The following MGST1 variants were observed in gnomAD, a reference collection of about 807,000 sequenced individuals.
The protein encoded by MGST1 is glutathione S-transferase 12.
In MGST1, 5 loss-of-function variants were observed where a neutral mutation model predicts 8.9. That is an observed-to-expected ratio of 0.56 (90% CI 0.29 to 1.19). The LOEUF (loss-of-function observed/expected upper bound fraction) is 1.19. Ranked by LOEUF, MGST1 falls within the 50% of genes most tolerant of loss-of-function variation. MGST1 has a pLI of 0.08. For missense variants in MGST1, 182 were observed against 187.4 expected (o/e 0.97, Z 0.17); for synonymous variants, 54 against 67.8 (o/e 0.80, Z 1.00).
In MGST1 at chr12:16,432,679, GACACACACACACACACACACACACACAC is replaced by G. The variant is rs36054419; in HGVS notation, n.779-4683_779-4656del. Among the ~76,000 whole-genome samples the G allele has an allele frequency of 1.2e-3, 147 of 124,392 alleles. 1 individual carries two copies. Among genetic ancestry groups the G allele is most frequent in the Non-Finnish European group, 1.8e-3 (106 of 58,338 alleles). 81.6% of individuals were successfully genotyped at this position (124,392 alleles called of 152,430 possible). On this transcript the variant is annotated intron_variant and non_coding_transcript_variant, in intron 1 of 1. Coordinates refer to the MGST1 transcript ENST00000359720. ...TCGCAAATCTCTCCTCTCTCTCTCT[GACACACACACACACACACACACACACAC>G]ACACACACACACACACACACACACA...
chr12:16,488,055 AAGTTATTT>A (rs1327369350), intron 4 of MGST1, among the ~76,000 whole-genome samples: 3 of 152,218 alleles, frequency 2.0e-5, no homozygotes, highest in Non-Finnish European at 4.4e-5. Flanking sequence ...AGGATTGATC[AAGTTATTT>A]AGAGATATTG....
intron 4 of MGST1, among the ~76,000 whole-genome samples, chr12:16,552,661 C>CT (rs1942033045): frequency 6.6e-6 from 1 of 152,000 alleles, no homozygotes; most frequent in South Asian, 2.1e-4. Context: ...GTGGAATTTA[C>CT]TTTTTTTCCC....
In MGST1 at chr12:16,361,415, A is replaced by T. The variant is rs1939991196; in HGVS notation, c.222-2380A>T. On this transcript the variant is annotated intron_variant, in intron 3 of 3. Transcript: ENST00000396210. This position sits in a 1 kb window ranked among gnomAD's most constrained non-coding sequence, Gnocchi z 4.2. The stretch of plus-strand genomic sequence containing the variant: ...TCACAGAGCAAATATATGCCAGGGC[A>T]TGTGTGTCCAAAGGAGAAAGAAGAA... Among the ~76,000 whole-genome samples, 1 of 152,222 alleles carries T rather than the reference A, an allele frequency of 6.6e-6. No individual in the cohort carries two copies. Among genetic ancestry groups the T allele is most frequent in the African/African-American group, 2.4e-5 (1 of 41,458 alleles).
In MGST1 at chr12:16,399,691, C is replaced by T. The variant is rs561124319; in HGVS notation, n.778+16087C>T. 142 of 1,361,382 alleles carry T rather than the reference C, an allele frequency of 1.0e-4. No homozygotes were observed. In the South Asian group the frequency reaches 1.1e-3, roughly 11 times the overall value. The allele number at this position is 1,361,382 out of a possible 1,614,324, so 84.3% of individuals were successfully genotyped here. A position where few individuals can be genotyped will look rare whatever the true frequency, so the allele number is the denominator to read the frequency against. On this transcript the variant is annotated intron_variant and non_coding_transcript_variant, in intron 1 of 1. Coordinates refer to the MGST1 transcript ENST00000359720. Reference sequence around the variant, plus strand: ...CAGACACCTTGTTCGAAAAAGCCCTCAGGGTCATCAACAATGGTCTTTATT... The same window carrying T: ...CAGACACCTTGTTCGAAAAAGCCCTTAGGGTCATCAACAATGGTCTTTATT...
At chr12:16,456,353 A>G (rs1941172143) in intron 4 of MGST1, among the ~76,000 whole-genome samples, 1 of 152,028 alleles carries the variant, frequency 6.6e-6, no homozygotes, top group Non-Finnish European at 1.5e-5. Flanking sequence ...AATATTAATC[A>G]TTAGTTGTCA....
At chr12:16,457,714 C>T (rs562952573) in intron 4 of MGST1, among the ~76,000 whole-genome samples, 1 of 152,048 alleles carries the variant, frequency 6.6e-6, no homozygotes, top group Non-Finnish European at 1.5e-5. Context: ...TCTAAGGTGA[C>T]TCCTTATCAA....
At chr12:16,352,198 C>G (rs1333893617) in intron 1 of MGST1, among the ~76,000 whole-genome samples, 1 of 152,114 alleles carries the variant, frequency 6.6e-6, no homozygotes, top group Non-Finnish European at 1.5e-5. Flanking sequence ...ACATAATGTA[C>G]ATAGTATAGT....
chr12:16,357,311 T>C (rs1368606184), intron 2 of MGST1, among the ~76,000 whole-genome samples: 2 of 152,106 alleles, frequency 1.3e-5, no homozygotes, highest in Non-Finnish European at 2.9e-5. Context: ...CCAGACTAGA[T>C]TGTAGTGGTG....
intron 4 of MGST1, chr12:16,567,539 A>C (rs1942660339): frequency 1.3e-5 from 2 of 152,312 alleles, no homozygotes; most frequent in South Asian, 2.1e-4. Context: ...CAAGTAGAGA[A>C]CTGCGGGGAG....
intron 4 of MGST1, among the ~76,000 whole-genome samples, chr12:16,477,828 A>C (rs1381396848): frequency 6.6e-6 from 1 of 152,190 alleles, no homozygotes; most frequent in Non-Finnish European, 1.5e-5. Flanking sequence ...GGTGGAAGCC[A>C]TCCTGTTTAC....
intron 1 of MGST1, among the ~76,000 whole-genome samples, chr12:16,396,920 G>T (rs552030319): frequency 6.6e-6 from 1 of 151,864 alleles, no homozygotes; most frequent in Admixed American, 6.6e-5. Context: ...ATTCTTCACA[G>T]AACTAGAAAA....
In MGST1 at chr12:16,546,818, A is replaced by G. The variant is rs1591756622; in HGVS notation, n.483-42710A>G. On this transcript the variant is annotated intron_variant and non_coding_transcript_variant, in intron 4 of 4. Coordinates refer to the MGST1 transcript ENST00000538857. The surrounding 1 kb of genome is among the most constrained non-coding windows in gnomAD (Gnocchi z 4.7). The stretch of plus-strand genomic sequence containing the variant: ...AATCCCTTCCCCTACTGCTGTCATT[A>G]TCCACAAACCCACCCCAACCAAGCC... 6.6e-6 allele frequency among the ~76,000 whole-genome samples: 1 copy of G among 152,104 alleles called. No individual in the cohort carries two copies. The highest frequency in any genetic ancestry group is 1.9e-4 in the East Asian group (1 of 5,174).
In MGST1 at chr12:16,584,463, A is replaced by C. The variant is rs1400100422; in HGVS notation, n.483-5065A>C. Reference sequence around the variant, plus strand: ...CACAGCAAAAGTTATTGACAAGGACATGAGGTTTCTGGAGGACCCAGTGGA... The same window carrying C: ...CACAGCAAAAGTTATTGACAAGGACCTGAGGTTTCTGGAGGACCCAGTGGA... On this transcript the variant is annotated intron_variant and non_coding_transcript_variant, in intron 4 of 4. Transcript: ENST00000538857. This position sits in a 1 kb window ranked among gnomAD's most constrained non-coding sequence, Gnocchi z 5.2. Among the ~76,000 whole-genome samples, 2 of 152,210 alleles carry C rather than the reference A, an allele frequency of 1.3e-5. No individual in the cohort carries two copies. The highest frequency in any genetic ancestry group is 2.9e-5 in the Non-Finnish European group (2 of 68,042).
intron 4 of MGST1, among the ~76,000 whole-genome samples, chr12:16,508,930 G>A (rs902575973): frequency 6.6e-6 from 1 of 152,018 alleles, no homozygotes; most frequent in African/African-American, 2.4e-5. Context: ...GTGGTTAGGG[G>A]GTATTTTGGA....
chr12:16,482,731 G>C lies in MGST1; in HGVS notation n.482+99127G>C, dbSNP rs1258945272. Among the ~76,000 whole-genome samples, 1 of 152,166 alleles carries C rather than the reference G, an allele frequency of 6.6e-6. No individual in the cohort carries two copies. Among genetic ancestry groups the C allele is most frequent in the East Asian group, 1.9e-4 (1 of 5,190 alleles). ...TAGAGACAGGTATGTTCTGGAGAAG[G>C]GAAAAGATAATGGCTGAGATACGCA... On this transcript the variant is annotated intron_variant and non_coding_transcript_variant, in intron 4 of 4. Coordinates refer to the MGST1 transcript ENST00000538857. The surrounding 1 kb of genome is among the most constrained non-coding windows in gnomAD (Gnocchi z 4.2).
intron 4 of MGST1, among the ~76,000 whole-genome samples, chr12:16,473,229 C>T (rs1034452899): frequency 5.9e-5 from 9 of 152,134 alleles, no homozygotes; most frequent in African/African-American, 2.2e-4. Flanking sequence ...AGTCTGGAGA[C>T]ATTTCTATTG....
In MGST1 at chr12:16,475,356, A is replaced by T. The variant is rs141199453; in HGVS notation, n.482+91752A>T. On this transcript the variant is annotated intron_variant and non_coding_transcript_variant, in intron 4 of 4. Transcript: ENST00000538857. ...TATTAAAGCTGATGAATACAATTTT[A>T]AAAATGCAAGTGCTGGAGTCTCTAT... is the stretch of plus-strand genomic sequence containing the variant. Among the ~76,000 whole-genome samples, 76 of 152,350 alleles carry T rather than the reference A, an allele frequency of 5.0e-4. No homozygotes were observed. The East Asian group carries it at 0.011, about 22-fold the overall frequency.
chr12:16,454,902 A>AG lies in MGST1; in HGVS notation n.482+71298_482+71299insG, dbSNP rs1372439468. On this transcript the variant is annotated intron_variant and non_coding_transcript_variant, in intron 4 of 4. Coordinates refer to the MGST1 transcript ENST00000538857. ...AAAAAAAAAAAAAAAAAAAAAAAAA[A>AG]AAGGAGATGGGAAGATTTGAGGAGA... Among the ~76,000 whole-genome samples, 154 of 125,980 alleles carry AG rather than the reference A, an allele frequency of 1.2e-3. 22 individuals carry two copies. Among genetic ancestry groups the AG allele is most frequent in the African/African-American group, 4.9e-3 (150 of 30,914 alleles). The allele number at this position is 125,980 out of a possible 152,430, so 82.6% of individuals were successfully genotyped here. A position where few individuals can be genotyped will look rare whatever the true frequency, so the allele number is the denominator to read the frequency against.
chr12:16,589,167 G>T lies in MGST1; in HGVS notation n.483-361G>T, dbSNP rs1362251743. Among the ~76,000 whole-genome samples the T allele has an allele frequency of 2.0e-5, 3 of 152,052 alleles. No homozygotes were observed. Among genetic ancestry groups the T allele is most frequent in the African/African-American group, 7.2e-5 (3 of 41,416 alleles). On this transcript the variant is annotated intron_variant and non_coding_transcript_variant, in intron 4 of 4. Transcript: ENST00000538857. This position sits in a 1 kb window ranked among gnomAD's most constrained non-coding sequence, Gnocchi z 4.2. ...CCTCACCCAGTTTGGAAGATTTTAGGGAAGTGACAAGAACTCATGTAACTT... is the reference window on the plus strand; with the variant it reads ...CCTCACCCAGTTTGGAAGATTTTAGTGAAGTGACAAGAACTCATGTAACTT...
Sources: gnomAD v4.1 joint callset for allele counts (sites outside exome capture counted in the v4.1 genomes callset) on GRCh38, gnomAD v4.1.1 for gene constraint, Gnocchi (gnomAD v3.1) non-coding constraint, MANE v1.5 for transcripts, NCBI Gene and HGNC (gene_info 2026-07-23, HGNC 2026-07-21) for gene names.